EPG5: variants seen among roughly 807,000 people sequenced by gnomAD.
EPG5 encodes ectopic P-granules 5 autophagy tethering factor.
In EPG5, 159 loss-of-function variants were observed where a neutral mutation model predicts 302.7. The ratio of observed to expected loss-of-function variants is 0.53; its 90% CI spans 0.46 to 0.60. The LOEUF (loss-of-function observed/expected upper bound fraction) is 0.60. EPG5 is among the 20% of genes least tolerant of loss of function. The pLI is 0.00. For missense variants in EPG5, 2,896 were observed against 3,092.4 expected (o/e 0.94, Z 1.51); for synonymous variants, 1,158 against 1,136.8 (o/e 1.02, Z -0.37).
intron 29 of EPG5, among the ~76,000 whole-genome samples, chr18:45,887,160 G>T (rs2049235559): frequency 6.6e-6 from 1 of 152,130 alleles, no homozygotes; most frequent in South Asian, 2.1e-4. Flanking sequence ...TCATAAATCT[G>T]TATGATTACC....
chr18:45,949,455 C>T, intron 5 of EPG5, 29 bp downstream of exon 5: 1 of 1,403,154 alleles, frequency 7.1e-7, no homozygotes, highest in Non-Finnish European at 1.0e-6. Context: ...TCCCCCAACC[C>T]CTCAGAATGA....
chr18:45,815,822 G>A, the EPG5 span, among the ~76,000 whole-genome samples: 4 of 152,096 alleles, frequency 2.6e-5, no homozygotes, highest in East Asian at 1.9e-4. Flanking sequence ...AAAAGAGCCC[G>A]CATAGCCAAA....
the EPG5 span, among the ~76,000 whole-genome samples, chr18:45,810,012 A>G: frequency 6.6e-6 from 1 of 152,212 alleles, no homozygotes; most frequent in African/African-American, 2.4e-5. Flanking sequence ...AATAAGCTCA[A>G]TAAGAAATGA....
intron 27 of EPG5, among the ~76,000 whole-genome samples, chr18:45,893,392 C>A (rs1479986669): frequency 1.3e-5 from 2 of 151,966 alleles, no homozygotes; most frequent in African/African-American, 4.8e-5. Flanking sequence ...TGATTAAACT[C>A]CATCTCTACT....
At chr18:45,952,707 A>C in intron 2 of EPG5, 64 bp from the exon 3 acceptor site, 2 of 1,562,972 alleles carry the variant, frequency 1.3e-6, no homozygotes, top group Non-Finnish European at 1.7e-6. Flanking sequence ...GTAAGCAGGC[A>C]GCAAGTATAA....
chr18:45,818,260 T>A, the EPG5 span, among the ~76,000 whole-genome samples: 9 of 151,576 alleles, frequency 5.9e-5, no homozygotes, highest in Non-Finnish European at 8.8e-5. Context: ...GATTTTATTT[T>A]TTTTTTTTGT....
At chr18:45,864,796 A>G (rs528777707) in intron 39 of EPG5, among the ~76,000 whole-genome samples, 3 of 152,350 alleles carry the variant, frequency 2.0e-5, no homozygotes, top group East Asian at 3.9e-4. Context: ...TCTTGCTTCA[A>G]AACCACATGA....
intron 30 of EPG5, among the ~76,000 whole-genome samples, chr18:45,883,611 G>GGT (rs1355297158): frequency 1.6e-5 from 2 of 121,870 alleles, no homozygotes; most frequent in African/African-American, 6.4e-5. Flanking sequence ...CCACTAGCCT[G>GGT]GTGTTTTTTT....
intron 35 of EPG5, among the ~76,000 whole-genome samples, chr18:45,872,944 G>A (rs1489852713): frequency 1.3e-5 from 2 of 152,212 alleles, no homozygotes; most frequent in African/African-American, 2.4e-5. Flanking sequence ...TGAGCTGATA[G>A]TTCCAGCCAA....
rs146965333 is a variant in EPG5 at position 45,963,403 on chromosome 18, G to A, written c.63+3774C>T. On this transcript the variant is annotated intron_variant, in intron 1 of 43. Coordinates refer to ENST00000282041, the MANE Select transcript of EPG5 (RefSeq NM_020964.3). Reference sequence around the variant, plus strand: ...AATCAAAAGAGAACTTTGGGAGGCCGAGATGGGTGGATCATCCGAGGCCAG... The same window carrying A: ...AATCAAAAGAGAACTTTGGGAGGCCAAGATGGGTGGATCATCCGAGGCCAG... Among the ~76,000 whole-genome samples the A allele has an allele frequency of 2.0e-3, 300 of 152,308 alleles. 3 individuals carry two copies. The highest frequency in any genetic ancestry group is 7.0e-3 in the African/African-American group (290 of 41,564).
chr18:45,802,296 G>T, the EPG5 span, among the ~76,000 whole-genome samples: 3 of 152,118 alleles, frequency 2.0e-5, no homozygotes, highest in Non-Finnish European at 2.9e-5. Flanking sequence ...CGAGGCAGGT[G>T]GATCATTTGA....
chr18:45,859,905 T>C (rs2048595707), intron 40 of EPG5, among the ~76,000 whole-genome samples, 199 bp downstream of exon 40: 1 of 152,248 alleles, frequency 6.6e-6, no homozygotes, highest in Non-Finnish European at 1.5e-5. Context: ...CCAACAGACA[T>C]GGCCACAGGT....
intron 38 of EPG5, 35 bp downstream of exon 38, chr18:45,866,763 A>T: frequency 6.5e-7 from 1 of 1,530,306 alleles, no homozygotes; most frequent in South Asian, 1.1e-5. Context: ...ATCTCCAGGA[A>T]CAGTCTCTGC....
Position 45,865,635 on chromosome 18 carries a change from A to T in EPG5, c.6746T>A (p.Ile2249Asn). Residue 2249 changes from isoleucine to asparagine, a missense_variant, in exon 39 of 44, where the codon ATC (isoleucine) becomes AAC (asparagine). By Grantham distance (149) the Ile-to-Asn change is moderately radical (BLOSUM62 -3). Transcript: ENST00000282041. The part of the protein sequence containing the change: ...EQEMSKLLDD[I>N]IVFNPPDMDS... ...CTTACCGGGCGGGTTAAAGACAATGATATCGTCTAAGAGCTTAGACATTTC... is the reference window on the plus strand; with the variant it reads ...CTTACCGGGCGGGTTAAAGACAATGTTATCGTCTAAGAGCTTAGACATTTC... 1 of 1,614,090 alleles carries T rather than the reference A, an allele frequency of 6.2e-7. No individual in the cohort carries two copies.
At chr18:45,936,338 G>A (rs1469632077) in intron 10 of EPG5, among the ~76,000 whole-genome samples, 2 of 152,080 alleles carry the variant, frequency 1.3e-5, no homozygotes, top group African/African-American at 2.4e-5. Flanking sequence ...AAAACAATCA[G>A]CACTCAATAG....
chr18:45,842,442 T>TGTGAGAGA, the EPG5 span: 11 of 345,074 alleles, frequency 3.2e-5, no homozygotes, highest in African/African-American at 1.5e-4. Context: ...TGTGTGTGTG[T>TGTGAGAGA]GAGAGAGAGA....
At chr18:45,813,537 C>T in the EPG5 span, among the ~76,000 whole-genome samples, 1 of 152,150 alleles carries the variant, frequency 6.6e-6, no homozygotes, top group African/African-American at 2.4e-5. Flanking sequence ...CAATGACAGA[C>T]TGGATTAAGA....
intron 1 of EPG5, among the ~76,000 whole-genome samples, chr18:45,960,123 AAAATAAAT>A (rs2051117265): frequency 6.6e-6 from 1 of 152,344 alleles, no homozygotes; most frequent in African/African-American, 2.4e-5. Context: ...TATCTTTATA[AAAATAAAT>A]AAATAAAGAC....
intron 35 of EPG5, among the ~76,000 whole-genome samples, chr18:45,874,273 A>G (rs1427545453): frequency 6.6e-6 from 1 of 152,226 alleles, no homozygotes; most frequent in Non-Finnish European, 1.5e-5. Context: ...GAAGGTATAA[A>G]GGAATTCTTG....
Sources: gnomAD v4.1 joint callset for allele counts (sites outside exome capture counted in the v4.1 genomes callset) on GRCh38, gnomAD v4.1.1 for gene constraint, MANE v1.5 for transcripts, NCBI Gene and HGNC (gene_info 2026-07-23, HGNC 2026-07-21) for gene names.